Variants in WDHD1 observed in about 807,000 individuals in gnomAD.
WDHD1 encodes the protein WD repeat and HMG-box DNA binding protein 1, also known as WD repeat and HMG-box DNA-binding protein 1.
Under a neutral mutation model 135.4 loss-of-function variants are expected in WDHD1, and 111 were observed. The observed-to-expected ratio is 0.82, with a 90% CI of 0.70 to 0.96. The LOEUF is 0.96. Ranked by LOEUF, WDHD1 falls within the 40% of genes least tolerant of loss-of-function variation. WDHD1 has a pLI of 0.00. For missense variants in WDHD1, 1,351 were observed against 1,336.3 expected, an observed-to-expected ratio of 1.01 and a Z score of -0.17; for synonymous variants, 434 against 439.0, an observed-to-expected ratio of 0.99 and a Z score of 0.14.
intron 7 of WDHD1, among the ~76,000 whole-genome samples, chr14:55,006,981 T>C (rs1362026130): frequency 6.6e-6 from 1 of 152,018 alleles, no homozygotes; most frequent in Non-Finnish European, 1.5e-5. Context: ...AATACTAGCA[T>C]TTTGTGAGGC....
intron 24 of WDHD1, among the ~76,000 whole-genome samples, chr14:54,953,534 C>G (rs567509657): frequency 6.6e-6 from 1 of 152,292 alleles, no homozygotes; most frequent in East Asian, 1.9e-4. Flanking sequence ...GGACTGTAAA[C>G]TAGTTCAACC....
intron 25 of WDHD1, 40 bp from the exon 26 acceptor site, chr14:54,941,730 A>G: frequency 6.6e-7 from 1 of 1,522,022 alleles, no homozygotes; most frequent in Non-Finnish European, 8.9e-7. Context: ...AGATTTTTAG[A>G]AAATAACAAA....
chr14:54,988,212 A>C (rs551017679), intron 13 of WDHD1, among the ~76,000 whole-genome samples: 1 of 145,094 alleles, frequency 6.9e-6, no homozygotes, highest in Non-Finnish European at 1.5e-5. Flanking sequence ...TGACTAGTAC[A>C]TTTTTTGGTT....
intron 16 of WDHD1, among the ~76,000 whole-genome samples, chr14:54,976,307 G>C (rs923967695): frequency 6.6e-6 from 1 of 152,048 alleles, no homozygotes; most frequent in Non-Finnish European, 1.5e-5. Flanking sequence ...GTATAACCTT[G>C]AACTCCTGGG....
chr14:54,942,178 G>T (rs964167392), intron 25 of WDHD1, among the ~76,000 whole-genome samples: 7 of 152,068 alleles, frequency 4.6e-5, no homozygotes, highest in African/African-American at 1.7e-4. Flanking sequence ...GTGAACCCGG[G>T]AGGTGGAGCC....
At chr14:54,948,041 C>A (rs913475698) in intron 24 of WDHD1, among the ~76,000 whole-genome samples, 9 of 151,774 alleles carry the variant, frequency 5.9e-5, no homozygotes, top group African/African-American at 2.2e-4. Context: ...CATGGAGAAA[C>A]CTCGTCTCTA....
intron 8 of WDHD1, 103 bp downstream of exon 8, chr14:55,001,990 G>C (rs756265714): frequency 6.3e-6 from 5 of 797,576 alleles, no homozygotes; most frequent in Non-Finnish European, 1.0e-5. Context: ...ACAGCCAGGA[G>C]TTGTTTTCCA....
intron 16 of WDHD1, among the ~76,000 whole-genome samples, chr14:54,972,581 A>AAAAAAAAAAAAAAAAAAAC: frequency 7.8e-6 from 1 of 128,260 alleles, no homozygotes; most frequent in Non-Finnish European, 1.5e-5. Context: ...AAAAAAAAAA[A>AAAAAAAAAAAAAAAAAAAC]AAAAAAAAAT....
intron 24 of WDHD1, among the ~76,000 whole-genome samples, chr14:54,952,302 T>C (rs1328871428): frequency 1.3e-5 from 2 of 152,190 alleles, no homozygotes; most frequent in South Asian, 2.1e-4. Flanking sequence ...AGTCTCAGGA[T>C]ACAAAATCAA....
intron 2 of WDHD1, among the ~76,000 whole-genome samples, chr14:55,023,498 T>A (rs2042382850): frequency 6.6e-6 from 1 of 152,208 alleles, no homozygotes; most frequent in African/African-American, 2.4e-5. Context: ...CAATTCAACT[T>A]TTCTCTCTTA....
chr14:54,970,872 G>T (rs1380630371), intron 16 of WDHD1, among the ~76,000 whole-genome samples: 1 of 152,092 alleles, frequency 6.6e-6, no homozygotes, highest in Non-Finnish European at 1.5e-5. Context: ...AAAGAACATG[G>T]CACTGGTGCA....
At position 54,939,988 on chromosome 14, in the gene WDHD1, T is replaced by C. The variant is rs1289137130; in HGVS notation, c.*1502A>G. Reference sequence around the variant, plus strand: ...ACTATAAATAAACCTTTACTTAAGATCTTGAAATCAAAATTAGTTTGTATA... The same window carrying C: ...ACTATAAATAAACCTTTACTTAAGACCTTGAAATCAAAATTAGTTTGTATA... On this transcript the variant is annotated 3_prime_UTR_variant, in exon 26 of 26. Transcript: ENST00000360586. 1 of 152,178 alleles carries C rather than the reference T, an allele frequency of 6.6e-6. No homozygotes were observed. The highest frequency in any genetic ancestry group is 1.5e-5 in the Non-Finnish European group (1 of 68,034). 9.4% of individuals were successfully genotyped at this position (152,178 alleles called of 1,614,324 possible). A position where few individuals can be genotyped will look rare whatever the true frequency, so the allele number is the denominator to read the frequency against.
At chr14:54,997,969 T>C (rs2041913501) in intron 10 of WDHD1, among the ~76,000 whole-genome samples, 1 of 151,094 alleles carries the variant, frequency 6.6e-6, no homozygotes, top group Non-Finnish European at 1.5e-5. Context: ...CCTAGCACTT[T>C]GGGGGGCTGC....
At chr14:54,950,323 C>T (rs1020844473) in intron 24 of WDHD1, among the ~76,000 whole-genome samples, 1 of 151,898 alleles carries the variant, frequency 6.6e-6, no homozygotes, top group Non-Finnish European at 1.5e-5. Context: ...TGGAAAACAA[C>T]AAAAGGCAGG....
intron 10 of WDHD1, among the ~76,000 whole-genome samples, chr14:54,996,832 G>A (rs540648522): frequency 6.6e-6 from 1 of 151,680 alleles, no homozygotes; most frequent in African/African-American, 2.4e-5. Flanking sequence ...TCGCTCTGTC[G>A]CCAGGCTGGA....
chr14:54,949,684 C>T (rs1044324237), intron 24 of WDHD1, among the ~76,000 whole-genome samples: 2 of 152,076 alleles, frequency 1.3e-5, no homozygotes, highest in Admixed American at 1.3e-4. Flanking sequence ...AAGAGCAACT[C>T]CAAGACACAT....
intron 24 of WDHD1, among the ~76,000 whole-genome samples, chr14:54,944,809 T>C (rs1193413286): frequency 2.0e-5 from 3 of 152,010 alleles, no homozygotes; most frequent in Non-Finnish European, 4.4e-5. Flanking sequence ...GGTTTCACCA[T>C]GTTGGTCAGG....
At chr14:54,998,932 A>G (rs2041935112) in intron 10 of WDHD1, among the ~76,000 whole-genome samples, 1 of 152,236 alleles carries the variant, frequency 6.6e-6, no homozygotes, top group Non-Finnish European at 1.5e-5. Flanking sequence ...CTAACTATAC[A>G]TAATTCACTT....
rs962848819 is a variant in WDHD1, at chr14:54,938,970, T to C, written c.*2520A>G. 1.3e-5 allele frequency: 2 copies of C among 152,134 alleles called. No individual in the cohort carries two copies. Among genetic ancestry groups the C allele is most frequent in the Non-Finnish European group, 2.9e-5 (2 of 68,034 alleles). 9.4% of individuals were successfully genotyped at this position (152,134 alleles called of 1,614,324 possible). ...GTAATTATGCAGAAGAAAATCTTTA[T>C]TCTTAGGGTACATGCTGGGAACTGA... is the stretch of plus-strand genomic sequence containing the variant. On this transcript the variant is annotated 3_prime_UTR_variant, in exon 26 of 26. Transcript: ENST00000360586.
Sources: allele counts gnomAD v4.1 joint callset (sites outside exome capture counted in the v4.1 genomes callset), GRCh38; gene constraint gnomAD v4.1.1; transcripts MANE v1.5; gene names NCBI Gene and HGNC (gene_info 2026-07-23, HGNC 2026-07-21).